RBMS3: variants seen among roughly 807,000 people sequenced by gnomAD.
RBMS3 encodes the protein RNA binding motif single stranded interacting protein 3.
In RBMS3, 27 loss-of-function variants were observed where a neutral mutation model predicts 66.8. That is an observed-to-expected ratio of 0.40 (90% CI 0.30 to 0.56). The LOEUF (loss-of-function observed/expected upper bound fraction) is 0.56. Among genes scored for constraint, RBMS3 ranks in the 20% least tolerant of loss-of-function variants. RBMS3 has a pLI of 0.40. For missense variants in RBMS3, 513 were observed against 549.5 expected (o/e 0.93, Z 0.66); for synonymous variants, 188 against 183.0 (o/e 1.03, Z -0.22).
chr3:29,540,187 A>G (rs1450095242), intron 3 of RBMS3, among the ~76,000 whole-genome samples: 1 of 152,224 alleles, frequency 6.6e-6, no homozygotes, highest in Non-Finnish European at 1.5e-5. Context: ...CATAAAGGGG[A>G]TATTTTTATA....
chr3:29,645,679 G>A (rs376465663), intron 4 of RBMS3, among the ~76,000 whole-genome samples: 4 of 152,024 alleles, frequency 2.6e-5, no homozygotes, highest in East Asian at 1.9e-4. Context: ...TCTGTAACAC[G>A]TTTTGACTTT....
In RBMS3 at chr3:29,897,470, T is replaced by C; in HGVS notation, c.883T>C (p.Tyr295His). 1 of 1,610,108 alleles carries C rather than the reference T, an allele frequency of 6.2e-7. No individual in the cohort carries two copies. The highest frequency in any genetic ancestry group is 1.3e-5 in the African/African-American group (1 of 74,728). The change falls in exon 9 of 15, where the codon TAC (tyrosine) becomes CAC (histidine). Residue 295 changes from tyrosine to histidine, a missense_variant. By Grantham distance (83) the Tyr-to-His change is moderately conservative. Transcript: ENST00000383767. The stretch of plus-strand genomic sequence containing the variant: ...CATTGCTGCTTCCCCTGTCTCCACA[T>C]ACCAGGTATGTCCAATTTACCTGCA... ...PFIAASPVST[Y>H]QVQSTSWMPH...
intron 4 of RBMS3, among the ~76,000 whole-genome samples, chr3:29,708,366 G>A (rs973037346): frequency 6.6e-6 from 1 of 152,012 alleles, no homozygotes; most frequent in African/African-American, 2.4e-5. Context: ...ACCATTTCAG[G>A]GGCATGGCTA....
chr3:29,591,110 T>A (rs1437624367), intron 4 of RBMS3, among the ~76,000 whole-genome samples: 1 of 152,194 alleles, frequency 6.6e-6, no homozygotes, highest in Admixed American at 6.5e-5. Context: ...GTGTTTCGAC[T>A]TCTTTGCCTC....
intron 3 of RBMS3, among the ~76,000 whole-genome samples, chr3:29,505,662 G>C (rs527423891): frequency 6.6e-6 from 1 of 151,774 alleles, no homozygotes; most frequent in East Asian, 1.9e-4. Context: ...TCTGTAGATT[G>C]CTTTGGGTAG....
intron 4 of RBMS3, among the ~76,000 whole-genome samples, chr3:29,711,344 G>C (rs960707975): frequency 1.3e-5 from 2 of 152,120 alleles, no homozygotes; most frequent in Admixed American, 1.3e-4. Context: ...TCCTTAGACT[G>C]TTCCTGGAAA....
At chr3:29,350,555 A>G (rs1056321919) in intron 1 of RBMS3, among the ~76,000 whole-genome samples, 3 of 152,150 alleles carry the variant, frequency 2.0e-5, no homozygotes, top group South Asian at 2.1e-4. Flanking sequence ...ATAAGGCACT[A>G]TAGTAGACAG....
At chr3:29,469,353 T>TA (rs1462570282) in intron 2 of RBMS3, among the ~76,000 whole-genome samples, 1 of 152,042 alleles carries the variant, frequency 6.6e-6, no homozygotes, top group African/African-American at 2.4e-5. Context: ...GCAGATACCC[T>TA]AGTAAAACTT....
rs534386834 is a variant in RBMS3, at chr3:29,490,308, A to G, written c.307+1809A>G. Among the ~76,000 whole-genome samples, 35 of 152,260 alleles carry G rather than the reference A, an allele frequency of 2.3e-4. No homozygotes were observed. In the East Asian group the frequency reaches 6.2e-3, roughly 27 times the overall value. On this transcript the variant is annotated intron_variant, in intron 3 of 14. Transcript: ENST00000383767. ...AAAAAAAAATGTAGGCTTTAAAGCC[A>G]TAGTACAATAGAGAAATTAGAAAAA...
chr3:29,507,249 T>C (rs1008138486), intron 3 of RBMS3, among the ~76,000 whole-genome samples: 1 of 151,938 alleles, frequency 6.6e-6, no homozygotes, highest in African/African-American at 2.4e-5. Context: ...CTTTCCATAC[T>C]CTTTAGGTAC....
At chr3:29,637,779 A>C (rs1316379844) in intron 4 of RBMS3, among the ~76,000 whole-genome samples, 1 of 151,922 alleles carries the variant, frequency 6.6e-6, no homozygotes, top group African/African-American at 2.4e-5. Context: ...TAGTGCCCAT[A>C]ACAACATGGG....
intron 4 of RBMS3, among the ~76,000 whole-genome samples, chr3:29,594,112 C>T (rs1256036772): frequency 6.6e-6 from 1 of 152,090 alleles, no homozygotes; most frequent in African/African-American, 2.4e-5. Context: ...TTAAAATAGA[C>T]CAGACTCTTT....
intron 1 of RBMS3, among the ~76,000 whole-genome samples, chr3:29,316,641 A>C (rs2034694515): frequency 6.6e-6 from 1 of 151,702 alleles, no homozygotes. Flanking sequence ...ATTATAAATT[A>C]TAATTAAATT....
At chr3:29,507,647 C>G (rs924174870) in intron 3 of RBMS3, among the ~76,000 whole-genome samples, 1 of 152,094 alleles carries the variant, frequency 6.6e-6, no homozygotes, top group East Asian at 1.9e-4. Context: ...ATGGGGAGAG[C>G]ATATTTTTCC....
chr3:29,723,237 A>G (rs887327142), intron 4 of RBMS3, among the ~76,000 whole-genome samples: 4 of 152,056 alleles, frequency 2.6e-5, no homozygotes, highest in Non-Finnish European at 5.9e-5. Context: ...CATCCTCCCA[A>G]AGTGCTGGGA....
intron 12 of RBMS3, among the ~76,000 whole-genome samples, chr3:29,969,318 T>A (rs76558831): frequency 6.6e-6 from 1 of 152,154 alleles, no homozygotes; most frequent in African/African-American, 2.4e-5. Context: ...TAAATTCATA[T>A]GATCTCCCCA....
At chr3:29,302,388 C>G (rs2033737448) in intron 1 of RBMS3, among the ~76,000 whole-genome samples, 1 of 151,798 alleles carries the variant, frequency 6.6e-6, no homozygotes, top group African/African-American at 2.4e-5. Flanking sequence ...TTTTAATTTG[C>G]CCATAATTTA....
intron 4 of RBMS3, among the ~76,000 whole-genome samples, chr3:29,658,049 G>A (rs1418260005): frequency 6.6e-6 from 1 of 152,136 alleles, no homozygotes. Flanking sequence ...GACTACCCAG[G>A]TTTAAATCCT....
chr3:29,498,466 TATG>T (rs1255270731), intron 3 of RBMS3, among the ~76,000 whole-genome samples: 18 of 152,266 alleles, frequency 1.2e-4, no homozygotes, highest in Middle Eastern at 3.4e-3. Context: ...AATGCACAAA[TATG>T]ATATATGTGT....
Sources: gnomAD v4.1 joint callset for allele counts (sites outside exome capture counted in the v4.1 genomes callset) on GRCh38, gnomAD v4.1.1 for gene constraint, MANE v1.5 for transcripts, NCBI Gene and HGNC (gene_info 2026-07-23, HGNC 2026-07-21) for gene names.